Variants in KCNMB2 observed in about 807,000 individuals in gnomAD.
The protein encoded by KCNMB2 is potassium calcium-activated channel subfamily M regulatory beta subunit 2.
KCNMB2 carries 9 observed loss-of-function variants against 24.5 expected under a neutral mutation model. The observed-to-expected ratio is 0.37, with a 90% CI of 0.22 to 0.64. The LOEUF (loss-of-function observed/expected upper bound fraction) is 0.64. KCNMB2 is among the 30% of genes least tolerant of loss of function. The pLI is 0.63. For synonymous variants in KCNMB2, 109 were observed against 104.4 expected, an observed-to-expected ratio of 1.04 and a Z score of -0.27; for missense variants, 226 against 284.3, an observed-to-expected ratio of 0.79 and a Z score of 1.47.
chr3:178,771,473 C>CTTTTTTTTTTTTT (rs66694279), intron 1 of KCNMB2, among the ~76,000 whole-genome samples: 3 of 87,532 alleles, frequency 3.4e-5, no homozygotes, highest in African/African-American at 4.9e-5. Flanking sequence ...TTCTTTCTTT[C>CTTTTTTTTTTTTT]TTTTTTTTTT....
At chr3:178,771,646 C>G (rs1712370747) in intron 1 of KCNMB2, among the ~76,000 whole-genome samples, 1 of 151,876 alleles carries the variant, frequency 6.6e-6, no homozygotes, top group Non-Finnish European at 1.5e-5. Flanking sequence ...TGGCACCAGC[C>G]CTCTACTAAC....
chr3:178,669,779 G>A (rs910668481), intron 1 of KCNMB2, among the ~76,000 whole-genome samples: 7 of 152,058 alleles, frequency 4.6e-5, no homozygotes, highest in African/African-American at 7.2e-5. Flanking sequence ...GGATGTTTTG[G>A]AAAAACATCA....
intron 1 of KCNMB2, among the ~76,000 whole-genome samples, chr3:178,666,868 G>C (rs1035875491): frequency 2.6e-5 from 4 of 152,082 alleles, no homozygotes; most frequent in Non-Finnish European, 4.4e-5. Context: ...ATTGAGCAGG[G>C]ATTTGTCCCA....
intron 1 of KCNMB2, among the ~76,000 whole-genome samples, chr3:178,650,471 C>T (rs1306564450): frequency 6.6e-6 from 1 of 151,952 alleles, no homozygotes; most frequent in Non-Finnish European, 1.5e-5. Context: ...ATGTGGGAGT[C>T]TACGTCTTTT....
intron 1 of KCNMB2, among the ~76,000 whole-genome samples, chr3:178,781,963 C>T (rs1712872719): frequency 8.5e-6 from 1 of 117,374 alleles, no homozygotes; most frequent in Admixed American, 9.5e-5. Flanking sequence ...ACCACAGTCC[C>T]CAGAGTGTGA....
At chr3:178,750,441 AAC>A (rs1723805706) in intron 1 of KCNMB2, among the ~76,000 whole-genome samples, 2 of 152,158 alleles carry the variant, frequency 1.3e-5, no homozygotes. Flanking sequence ...TTCAGCTTTA[AAC>A]AGTCTTCATT....
intron 1 of KCNMB2, among the ~76,000 whole-genome samples, chr3:178,645,755 C>T (rs960363797): frequency 6.6e-6 from 1 of 152,104 alleles, no homozygotes; most frequent in Non-Finnish European, 1.5e-5. Context: ...TCACAGCAGG[C>T]AGTTGGAGGC....
intron 1 of KCNMB2, among the ~76,000 whole-genome samples, chr3:178,664,998 T>C (rs1720668615): frequency 6.6e-6 from 1 of 152,160 alleles, no homozygotes; most frequent in South Asian, 2.1e-4. Flanking sequence ...AGTTGTTTGA[T>C]ATAAAATGGA....
At chr3:178,683,236 C>T (rs891458933) in intron 1 of KCNMB2, among the ~76,000 whole-genome samples, 1 of 151,918 alleles carries the variant, frequency 6.6e-6, no homozygotes, top group Non-Finnish European at 1.5e-5. Flanking sequence ...AAACCAAATA[C>T]CGCATGTTCT....
chr3:178,715,640 A>G (rs796828054), intron 1 of KCNMB2, among the ~76,000 whole-genome samples: 24 of 152,168 alleles, frequency 1.6e-4, no homozygotes, highest in African/African-American at 5.3e-4. Context: ...ACCACACCAT[A>G]CTGCTGTCAT....
intron 1 of KCNMB2, among the ~76,000 whole-genome samples, chr3:178,674,834 A>G (rs1338552758): frequency 6.6e-6 from 1 of 152,154 alleles, no homozygotes; most frequent in Non-Finnish European, 1.5e-5. Context: ...TTCAGCCACA[A>G]TGGCCCCCTT....
chr3:178,810,881 C>T (rs924491467), intron 2 of KCNMB2, among the ~76,000 whole-genome samples: 9 of 151,282 alleles, frequency 5.9e-5, no homozygotes, highest in Admixed American at 5.3e-4. Context: ...ACTACAGGCG[C>T]CCGCCACCAC....
intron 1 of KCNMB2, among the ~76,000 whole-genome samples, chr3:178,716,756 G>A (rs911795641): frequency 6.6e-6 from 1 of 152,092 alleles, no homozygotes; most frequent in Non-Finnish European, 1.5e-5. Flanking sequence ...TGATATCACA[G>A]GCCTTGAGAG....
At chr3:178,605,549 G>A (rs1055431443) in intron 1 of KCNMB2, among the ~76,000 whole-genome samples, 1 of 152,184 alleles carries the variant, frequency 6.6e-6, no homozygotes, top group Non-Finnish European at 1.5e-5. Context: ...CTTTAAAGGT[G>A]ATTCTGGTAC....
chr3:178,549,466 A>G (rs1047815553), intron 1 of KCNMB2, among the ~76,000 whole-genome samples: 18 of 141,980 alleles, frequency 1.3e-4, no homozygotes, highest in Non-Finnish European at 1.8e-4. Context: ...ACACACCACA[A>G]TGCCCAGCTT....
chr3:178,544,162 C>G (rs953711734), intron 1 of KCNMB2, among the ~76,000 whole-genome samples: 1 of 151,974 alleles, frequency 6.6e-6, no homozygotes, highest in Admixed American at 6.6e-5. Flanking sequence ...GGTAAATGCC[C>G]ACATGGTCAA....
At chr3:178,693,862 T>A (rs1721770676) in intron 1 of KCNMB2, among the ~76,000 whole-genome samples, 1 of 150,438 alleles carries the variant, frequency 6.6e-6, no homozygotes, top group South Asian at 2.1e-4. Context: ...CAGCTGTGAA[T>A]CCATCTGGTC....
rs561713399 is a variant in KCNMB2 at position 178,617,000 on chromosome 3, G to A, written c.-68+80289G>A. 2.0e-5 allele frequency among the ~76,000 whole-genome samples: 3 copies of A among 152,262 alleles called. No individual in the cohort carries two copies. In the South Asian group the frequency reaches 6.2e-4, roughly 32 times the overall value. Reference sequence around the variant, plus strand: ...ATAGACATCCATCTATCTCACTGGGGAAATGTGGTATGGGCGGAGGAGATA... The same window carrying A: ...ATAGACATCCATCTATCTCACTGGGAAAATGTGGTATGGGCGGAGGAGATA... On this transcript the variant is annotated intron_variant, in intron 1 of 4. Coordinates refer to ENST00000452583, the MANE Select transcript of KCNMB2 (RefSeq NM_181361.3).
chr3:178,581,468 G>A (rs777966519), intron 1 of KCNMB2, among the ~76,000 whole-genome samples: 6 of 152,022 alleles, frequency 3.9e-5, no homozygotes, highest in East Asian at 1.9e-4. Flanking sequence ...CAAAGTCTTC[G>A]TGACTAAAAC....
Sources: gnomAD v4.1 joint callset for allele counts (sites outside exome capture counted in the v4.1 genomes callset) on GRCh38, gnomAD v4.1.1 for gene constraint, MANE v1.5 for transcripts, NCBI Gene and HGNC (gene_info 2026-07-23, HGNC 2026-07-21) for gene names.